Variants in FANCM observed in about 807,000 individuals in gnomAD.
FANCM encodes Fanconi anemia group M protein.
A neutral mutation model predicts 199.5 loss-of-function variants in FANCM; 140 were observed. The observed-to-expected ratio is 0.70, with a 90% CI of 0.61 to 0.81. The LOEUF (loss-of-function observed/expected upper bound fraction) is 0.81, where lower values mean the gene tolerates loss of function less well. Ranked by LOEUF, FANCM falls within the 30% of genes least tolerant of loss-of-function variation. FANCM has a pLI of 0.00. For missense variants in FANCM, 2,410 were observed against 2,421.4 expected (o/e 1.00, Z 0.10); for synonymous variants, 840 against 836.8 (o/e 1.00, Z -0.07).
At chr14:45,141,287 CAAAAAA>C (rs534567010) in intron 3 of FANCM, among the ~76,000 whole-genome samples, 1 of 45,058 alleles carries the variant, frequency 2.2e-5, no homozygotes, top group African/African-American at 7.1e-5. Flanking sequence ...GGCTCCGTCT[CAAAAAA>C]AAAAAAAAAA....
intron 7 of FANCM, 55 bp from the exon 8 acceptor site, chr14:45,155,318 T>C (rs1887102046): frequency 2.6e-6 from 2 of 758,812 alleles, no homozygotes; most frequent in East Asian, 2.7e-5. Context: ...TACATTAGTG[T>C]AATTGAATAT....
In FANCM at chr14:45,137,187, G is replaced by C. The variant is rs746917757; in HGVS notation, c.627G>C (p.Lys209Asn). 1 of 1,613,616 alleles carries C rather than the reference G, an allele frequency of 6.2e-7. No homozygotes were observed. The highest frequency in any genetic ancestry group is 1.3e-5 in the African/African-American group (1 of 74,916). ...GAGCTTGTCCCGCTGCTGAAATAAA[G>C]TGTTTAGTTATTGATGAAGCTCATA... ...SRGACPAAEI[K>N]CLVIDEAHKA... The change falls in exon 2 of 23, where the codon AAG becomes AAC. Residue 209 changes from lysine (K) to asparagine (N), a missense_variant. Transcript: ENST00000267430.
At chr14:45,178,536 A>G (rs979962553) in intron 14 of FANCM, among the ~76,000 whole-genome samples, 1 of 152,224 alleles carries the variant, frequency 6.6e-6, no homozygotes, top group African/African-American at 2.4e-5. Context: ...TTTCTGTATT[A>G]TATATGAAAA....
At chr14:45,190,237 G>A (rs1889681202) in intron 20 of FANCM, among the ~76,000 whole-genome samples, 2 of 151,952 alleles carry the variant, frequency 1.3e-5, no homozygotes, top group African/African-American at 4.8e-5. Flanking sequence ...GCTAAATAGG[G>A]GTTAAAGAAA....
At chr14:45,195,628 G>GT in intron 20 of FANCM, 1 of 449,672 alleles carries the variant, frequency 2.2e-6, no homozygotes, top group Non-Finnish European at 4.5e-6. Flanking sequence ...TCACTTCCAT[G>GT]TTGTTTTTGA....
At chr14:45,177,112 A>AT in intron 14 of FANCM, 136 bp downstream of exon 14, 1 of 621,724 alleles carries the variant, frequency 1.6e-6, no homozygotes, top group Non-Finnish European at 2.8e-6. Flanking sequence ...GATGTGTTAT[A>AT]TTTTTCTTAA....
intron 18 of FANCM, among the ~76,000 whole-genome samples, chr14:45,187,526 C>G (rs973169705): frequency 6.6e-6 from 1 of 152,082 alleles, no homozygotes; most frequent in Non-Finnish European, 1.5e-5. Flanking sequence ...TCCTCATTTT[C>G]AGAGAGATAG....
intron 20 of FANCM, among the ~76,000 whole-genome samples, chr14:45,192,914 G>A (rs1889854127): frequency 6.6e-6 from 1 of 152,170 alleles, no homozygotes; most frequent in Non-Finnish European, 1.5e-5. Flanking sequence ...TAGAACCCCT[G>A]GGAGTTGTAG....
At chr14:45,179,878 CT>C (rs1430756942) in intron 14 of FANCM, among the ~76,000 whole-genome samples, 2 of 151,942 alleles carry the variant, frequency 1.3e-5, no homozygotes, top group Non-Finnish European at 2.9e-5. Context: ...GCTTTTCGTG[CT>C]AACTGCAATG....
rs1258205440 is a variant in FANCM, at chr14:45,136,045, A to G, written c.14A>G (p.Gln5Arg). ...GTTGTCGGCCTAATGAGCGGACGGCAAAGAACGCTTTTTCAGACGTGGGGC... is the reference window on the plus strand; with the variant it reads ...GTTGTCGGCCTAATGAGCGGACGGCGAAGAACGCTTTTTCAGACGTGGGGC... MSGRQRTLFQTWGSS... is the reference protein window; with the variant it reads MSGRRRTLFQTWGSS... The change falls in exon 1 of 23, where the codon CAA (glutamine) becomes CGA (arginine). Residue 5 changes from glutamine (Q) to arginine (R), a missense_variant. By Grantham distance (43) the Gln-to-Arg change is conservative. Coordinates refer to ENST00000267430, the MANE Select transcript of FANCM (RefSeq NM_020937.4). 6.2e-7 allele frequency: 1 copy of G among 1,613,470 alleles called. No individual in the cohort carries two copies. The highest frequency in any genetic ancestry group is 8.5e-7 in the Non-Finnish European group (1 of 1,180,036).
chr14:45,141,570 C>T (rs1885959181), intron 3 of FANCM, among the ~76,000 whole-genome samples: 1 of 142,052 alleles, frequency 7.0e-6, no homozygotes, highest in Non-Finnish European at 1.5e-5. Flanking sequence ...CCCTCCTTTC[C>T]TCTCCTTTCC....
intron 9 of FANCM, among the ~76,000 whole-genome samples, chr14:45,159,747 C>T (rs1446399516): frequency 6.6e-6 from 1 of 152,016 alleles, no homozygotes; most frequent in East Asian, 1.9e-4. Context: ...GAAGTGGGGT[C>T]AGAAGAAACC....
At position 45,200,013 on chromosome 14, in the gene FANCM, G is replaced by C. The variant is rs1890275569; in HGVS notation, c.*5G>C. 6.2e-7 allele frequency: 1 copy of C among 1,604,236 alleles called. No individual in the cohort carries two copies. The highest frequency in any genetic ancestry group is 8.5e-7 in the Non-Finnish European group (1 of 1,173,136). ...AGACTGAAATCTGATATATAATCAA[G>C]CTGCTCAAGATGGGGTTTTCAAAGA... On this transcript the variant is annotated 3_prime_UTR_variant, in exon 23 of 23. Coordinates refer to ENST00000267430, the MANE Select transcript of FANCM (RefSeq NM_020937.4).
rs1885525249 is a variant in FANCM, at chr14:45,136,538, A to G, written c.507A>G (p.Thr169=). Residue 169 remains threonine (T), a splice_region_variant and synonymous_variant, in exon 1 of 23, where the codon ACA becomes ACG. Transcript: ENST00000267430. ...CGCAATCCCACATGGCCGAAATGAC[A>G]GGTATCTTAGACTGGACTAATTTTG... ...GIPQSHMAEM[T]GSTQASTRKE... The G allele has an allele frequency of 6.2e-7, 1 of 1,613,260 alleles. No individual in the cohort carries two copies. Among genetic ancestry groups the G allele is most frequent in the Non-Finnish European group, 8.5e-7 (1 of 1,179,928 alleles).
At chr14:45,195,182 G>T (rs974310024) in intron 20 of FANCM, among the ~76,000 whole-genome samples, 8 of 152,182 alleles carry the variant, frequency 5.3e-5, no homozygotes, top group African/African-American at 1.4e-4. Flanking sequence ...TAGCAAAGTT[G>T]AAAGCATCTT....
Position 45,135,976 on chromosome 14 carries a change from G to A in FANCM, c.-56G>A, listed in dbSNP as rs905543626. ...ACCGATGGGGATCGGAACCGTAGCG[G>A]TTGAGCTGCTGCTGCTACGGATATC... On this transcript the variant is annotated 5_prime_UTR_variant, in exon 1 of 23. Transcript: ENST00000267430. The A allele has an allele frequency of 3.9e-5, 62 of 1,595,948 alleles. 3 individuals are homozygous for A. In the South Asian group the frequency reaches 6.5e-4, roughly 17 times the overall value.
intron 12 of FANCM, 132 bp from the exon 13 acceptor site, chr14:45,172,923 A>T: frequency 1.5e-6 from 1 of 663,106 alleles, no homozygotes; most frequent in Non-Finnish European, 2.6e-6. Context: ...TTCTTCTGAG[A>T]TTTTAGTTGG....
chr14:45,193,499 G>C (rs1310264040), intron 20 of FANCM, among the ~76,000 whole-genome samples: 1 of 152,178 alleles, frequency 6.6e-6, no homozygotes, highest in Admixed American at 6.5e-5. Context: ...ATGTTTCCTT[G>C]TAAGAGTTTT....
chr14:45,181,622 A>G lies in FANCM; in HGVS notation c.4318-15A>G, dbSNP rs752112418. 24 of 1,602,796 alleles carry G rather than the reference A, an allele frequency of 1.5e-5. No homozygotes were observed. The South Asian group carries it at 2.1e-4, about 14-fold the overall frequency. On this transcript the variant is annotated splice_polypyrimidine_tract_variant and intron_variant, in intron 15 of 22. Coordinates refer to ENST00000267430, the MANE Select transcript of FANCM (RefSeq NM_020937.4). ...TGAGACTTTTGTTGCCTTTTACTTT[A>G]TTTACTTACTTTAGGATCAGAAAAA...
Sources: gnomAD v4.1 joint callset for allele counts (sites outside exome capture counted in the v4.1 genomes callset) on GRCh38, gnomAD v4.1.1 for gene constraint, MANE v1.5 for transcripts, NCBI Gene and HGNC (gene_info 2026-07-23, HGNC 2026-07-21) for gene names.